MCTP1: variants seen among roughly 807,000 people sequenced by gnomAD.
MCTP1 encodes the protein multiple C2 and transmembrane domain containing 1, also known as multiple C2 and transmembrane domain-containing protein 1.
MCTP1 carries 69 observed loss-of-function variants against 120.6 expected under a neutral mutation model. The observed-to-expected ratio is 0.57, with a 90% CI of 0.47 to 0.70. The LOEUF is 0.70. Among genes scored for constraint, MCTP1 ranks in the 30% least tolerant of loss-of-function variants. The probability of loss-of-function intolerance (pLI) is 0.00; values close to 1 mark genes in which losing one functional copy is unlikely to be tolerated. For missense variants in MCTP1, 1,203 were observed against 1,248.8 expected (o/e 0.96, Z 0.55); for synonymous variants, 529 against 493.1 (o/e 1.07, Z -0.96).
chr5:95,271,575 A>C (rs1759402392), intron 1 of MCTP1, among the ~76,000 whole-genome samples: 2 of 152,126 alleles, frequency 1.3e-5, no homozygotes, highest in Non-Finnish European at 2.9e-5. Context: ...TGAAAACACT[A>C]ATGATTGATA....
At chr5:95,063,580 G>A (rs957307841) in intron 1 of MCTP1, among the ~76,000 whole-genome samples, 2 of 152,164 alleles carry the variant, frequency 1.3e-5, no homozygotes, top group African/African-American at 4.8e-5. Flanking sequence ...AGGATTGTTT[G>A]ATGCAGGATG....
intron 1 of MCTP1, among the ~76,000 whole-genome samples, chr5:95,214,912 G>GT (rs1250033134): frequency 8.6e-5 from 13 of 151,778 alleles, no homozygotes; most frequent in Admixed American, 8.5e-4. Flanking sequence ...TATACCTAAT[G>GT]TAAATGACGA....
intron 1 of MCTP1, among the ~76,000 whole-genome samples, chr5:95,264,269 G>A (rs1411118000): frequency 6.6e-6 from 1 of 152,166 alleles, no homozygotes; most frequent in Non-Finnish European, 1.5e-5. Context: ...CTCAGGTGCT[G>A]TTATTTGTAC....
intron 2 of MCTP1, among the ~76,000 whole-genome samples, chr5:94,965,826 T>A (rs921095961): frequency 6.6e-6 from 1 of 152,170 alleles, no homozygotes; most frequent in Non-Finnish European, 1.5e-5. Context: ...ATAAAAGGAT[T>A]TGAGGGGATG....
At chr5:94,725,077 G>A (rs1561532367) in intron 19 of MCTP1, among the ~76,000 whole-genome samples, 2 of 152,128 alleles carry the variant, frequency 1.3e-5, no homozygotes, top group Non-Finnish European at 2.9e-5. Flanking sequence ...ATTGTGGAAA[G>A]GTTTTGAAAT....
At chr5:95,061,405 A>G (rs1465657985) in intron 1 of MCTP1, among the ~76,000 whole-genome samples, 1 of 80,376 alleles carries the variant, frequency 1.2e-5, no homozygotes, top group Non-Finnish European at 2.8e-5. Flanking sequence ...AAACCCCTTA[A>G]GGGTTTTTTT....
chr5:94,807,070 C>A (rs945219816), intron 17 of MCTP1, among the ~76,000 whole-genome samples: 4 of 152,182 alleles, frequency 2.6e-5, no homozygotes, highest in Admixed American at 2.0e-4. Flanking sequence ...TAATGTTTTC[C>A]TGTATAGTTC....
intron 2 of MCTP1, among the ~76,000 whole-genome samples, chr5:94,963,352 C>A (rs1322211631): frequency 7.7e-6 from 1 of 129,976 alleles, no homozygotes; most frequent in Admixed American, 7.6e-5. Context: ...TATTGTAATT[C>A]TATTTTTTTT....
chr5:94,953,150 A>G (rs1022809680), intron 3 of MCTP1, 69 bp downstream of exon 3: 11 of 1,412,992 alleles, frequency 7.8e-6, no homozygotes, highest in Non-Finnish European at 1.1e-5. Flanking sequence ...ACAAAGAAAC[A>G]TGATAAAACC....
chr5:94,733,889 G>C (rs908087153), intron 19 of MCTP1, among the ~76,000 whole-genome samples: 1 of 151,566 alleles, frequency 6.6e-6, no homozygotes, highest in Admixed American at 6.6e-5. Flanking sequence ...GCTTGAACCC[G>C]GGAGGCAGAG....
chr5:94,913,116 GAAT>G (rs1158762472), intron 8 of MCTP1, 140 bp from the exon 9 acceptor site: 3 of 332,982 alleles, frequency 9.0e-6, no homozygotes, highest in Non-Finnish European at 1.6e-5. Context: ...AAATAATTAT[GAAT>G]TATTAATTAA....
At chr5:94,915,601 T>C (rs1809850419) in intron 8 of MCTP1, among the ~76,000 whole-genome samples, 1 of 152,176 alleles carries the variant, frequency 6.6e-6, no homozygotes. Flanking sequence ...AGTAAGTTTC[T>C]TTAACAGTGC....
chr5:94,895,050 T>C (rs556751421), intron 10 of MCTP1, among the ~76,000 whole-genome samples: 1 of 152,072 alleles, frequency 6.6e-6, no homozygotes, highest in Non-Finnish European at 1.5e-5. Flanking sequence ...TACAAAAAAA[T>C]ATGTTAATCT....
chr5:94,707,647 C>A, intron 22 of MCTP1, 80 bp from the exon 23 acceptor site: 1 of 1,070,624 alleles, frequency 9.3e-7, no homozygotes, highest in Non-Finnish European at 1.4e-6. Flanking sequence ...GAATGAGAGA[C>A]GGTGCTTGGG....
chr5:95,099,269 A>T (rs1446874086), intron 1 of MCTP1, among the ~76,000 whole-genome samples: 3 of 152,210 alleles, frequency 2.0e-5, no homozygotes, highest in Non-Finnish European at 4.4e-5. Flanking sequence ...AAAATTGACA[A>T]ATGGGATCTA....
intron 6 of MCTP1, among the ~76,000 whole-genome samples, chr5:94,924,508 A>G (rs1005555142): frequency 4.6e-5 from 7 of 152,174 alleles, no homozygotes; most frequent in South Asian, 4.1e-4. Flanking sequence ...ATTAACAAAC[A>G]TAGTAAGTGA....
At chr5:95,177,705 G>A (rs969357283) in intron 1 of MCTP1, among the ~76,000 whole-genome samples, 2 of 152,168 alleles carry the variant, frequency 1.3e-5, no homozygotes, top group East Asian at 1.9e-4. Flanking sequence ...GACTGAAGAG[G>A]TAGCAGTTGT....
At chr5:94,722,088 A>G (rs960164279) in intron 19 of MCTP1, among the ~76,000 whole-genome samples, 10 of 152,198 alleles carry the variant, frequency 6.6e-5, no homozygotes, top group African/African-American at 1.9e-4. Context: ...TTACTATGAC[A>G]TATTGCAACA....
intron 2 of MCTP1, among the ~76,000 whole-genome samples, chr5:94,975,936 C>T (rs1381919199): frequency 6.6e-6 from 1 of 152,136 alleles, no homozygotes; most frequent in Non-Finnish European, 1.5e-5. Context: ...ATGTCTAGCA[C>T]AACTCCTGGG....
Sources: allele counts gnomAD v4.1 joint callset (sites outside exome capture counted in the v4.1 genomes callset), GRCh38; gene constraint gnomAD v4.1.1; transcripts MANE v1.5; gene names NCBI Gene and HGNC (gene_info 2026-07-23, HGNC 2026-07-21).